NCOA2: variants seen among roughly 807,000 people sequenced by gnomAD.
The protein encoded by NCOA2 is nuclear receptor coactivator 2, also known as class E basic helix-loop-helix protein 75.
NCOA2 carries 21 observed loss-of-function variants against 145.1 expected under a neutral mutation model. The observed-to-expected ratio is 0.14, with a 90% CI of 0.10 to 0.21. The LOEUF is 0.21. NCOA2 is among the 10% of genes least tolerant of loss of function. NCOA2 has a pLI of 1.00. For missense variants in NCOA2, 1,472 were observed against 1,837.6 expected (o/e 0.80, Z 3.64); for synonymous variants, 619 against 637.5 (o/e 0.97, Z 0.44).
the NCOA2 span, among the ~76,000 whole-genome samples, chr8:70,435,153 C>T: frequency 4.0e-5 from 6 of 151,860 alleles, no homozygotes; most frequent in Non-Finnish European, 7.4e-5. Context: ...CGGCCGGGCG[C>T]GGTGGCTCAC....
intron 1 of NCOA2, among the ~76,000 whole-genome samples, chr8:70,330,100 A>C (rs977702974): frequency 6.6e-6 from 1 of 152,182 alleles, no homozygotes; most frequent in African/African-American, 2.4e-5. Flanking sequence ...TACCTCCATT[A>C]AGTTATTTAA....
At chr8:70,380,887 C>A (rs1365968405) in intron 1 of NCOA2, among the ~76,000 whole-genome samples, 1 of 152,000 alleles carries the variant, frequency 6.6e-6, no homozygotes, top group East Asian at 1.9e-4. Context: ...TCAGCTTGGG[C>A]AACATGGCAA....
the NCOA2 span, among the ~76,000 whole-genome samples, chr8:70,455,807 C>T: frequency 6.6e-6 from 1 of 151,948 alleles, no homozygotes; most frequent in African/African-American, 2.4e-5. Flanking sequence ...GCTTTCCTAA[C>T]AATTTCAGAA....
chr8:70,172,311 T>C (rs950876374), intron 5 of NCOA2, among the ~76,000 whole-genome samples: 1 of 152,184 alleles, frequency 6.6e-6, no homozygotes, highest in African/African-American at 2.4e-5. Context: ...CATACAACAA[T>C]GAATTTGGTG....
At chr8:70,191,768 C>CGGT (rs1563595520) in intron 4 of NCOA2, among the ~76,000 whole-genome samples, 1 of 152,100 alleles carries the variant, frequency 6.6e-6, no homozygotes, top group East Asian at 1.9e-4. Flanking sequence ...AGGCCAGGGA[C>CGGT]GGTGGCTCAT....
chr8:70,124,947 C>T, intron 19 of NCOA2, 82 bp from the exon 20 acceptor site: 1 of 1,231,670 alleles, frequency 8.1e-7, no homozygotes, highest in Non-Finnish European at 1.1e-6. Flanking sequence ...AAGAACATTC[C>T]AAATTAGGCA....
intron 1 of NCOA2, among the ~76,000 whole-genome samples, chr8:70,373,214 C>G (rs996744822): frequency 1.3e-5 from 2 of 152,186 alleles, no homozygotes; most frequent in African/African-American, 4.8e-5. Flanking sequence ...CCTCAACCAG[C>G]AAAGAATGAG....
In NCOA2 at chr8:70,157,244, TA is replaced by T; in HGVS notation, c.1125-5del. On this transcript the variant is annotated splice_region_variant and splice_polypyrimidine_tract_variant and intron_variant, in intron 10 of 22. Coordinates refer to ENST00000452400, the MANE Select transcript of NCOA2 (RefSeq NM_006540.4). Reference sequence around the variant, plus strand: ...CATCACACACACATTCTGCTCTCTGTATAACGAGAAAAGAAAAAAATGTAAG... The same window carrying T: ...CATCACACACACATTCTGCTCTCTGTTAACGAGAAAAGAAAAAAATGTAAG... The T allele has an allele frequency of 6.6e-7, 1 of 1,507,418 alleles. No homozygotes were observed. Among genetic ancestry groups the T allele is most frequent in the Non-Finnish European group, 8.9e-7 (1 of 1,128,068 alleles). 93.4% of individuals were successfully genotyped at this position (1,507,418 alleles called of 1,614,324 possible).
At chr8:70,304,047 G>C (rs1313586672) in intron 1 of NCOA2, among the ~76,000 whole-genome samples, 1 of 151,918 alleles carries the variant, frequency 6.6e-6, no homozygotes, top group African/African-American at 2.4e-5. Flanking sequence ...AATTACTGTT[G>C]CAACGACCAT....
At chr8:70,250,300 G>C (rs2134709931) in intron 2 of NCOA2, among the ~76,000 whole-genome samples, 1 of 150,934 alleles carries the variant, frequency 6.6e-6, no homozygotes, top group Admixed American at 6.6e-5. Context: ...GCTGAGGTGG[G>C]AGGATCATCT....
chr8:70,297,691 G>A (rs1827191841), intron 1 of NCOA2, among the ~76,000 whole-genome samples: 1 of 152,166 alleles, frequency 6.6e-6, no homozygotes, highest in African/African-American at 2.4e-5. Context: ...ATTTGCAAGA[G>A]AAAAGGTGAA....
Position 70,216,666 on chromosome 8 carries a change from C to G in NCOA2, c.80G>C (p.Gly27Ala), listed in dbSNP as rs549922949. 2 of 1,611,812 alleles carry G rather than the reference C, an allele frequency of 1.2e-6. No homozygotes were observed. Among genetic ancestry groups the G allele is most frequent in the African/African-American group, 1.3e-5 (1 of 74,988 alleles). The change falls in exon 3 of 23, where the codon GGA becomes GCA. Residue 27 changes from glycine (G) to alanine (A), a missense_variant. By Grantham distance (60) the Gly-to-Ala change is moderately conservative. Around this residue, in one of 4 missense-constraint regions of NCOA2, gnomAD observed 284 missense variants for 467.8 expected, o/e 0.61. Transcript: ENST00000452400. ...RKRKECPDQL[G>A]PSPKRNTEKR... ...TTCTCAGCAAGAATCTAACCTGGGT[C>G]CAAGTTGGTCAGGACATTCCTTGCG...
chr8:70,400,912 C>T (rs1202453775), intron 1 of NCOA2, among the ~76,000 whole-genome samples: 1 of 152,066 alleles, frequency 6.6e-6, no homozygotes, highest in Non-Finnish European at 1.5e-5. Context: ...ACATAAGATA[C>T]CTAAAAGAAA....
At chr8:70,449,593 C>G in the NCOA2 span, among the ~76,000 whole-genome samples, 4 of 152,316 alleles carry the variant, frequency 2.6e-5, no homozygotes, top group East Asian at 7.7e-4. Context: ...TGAACCAACA[C>G]CTTGATCTTA....
chr8:70,183,880 C>T (rs1241224872), intron 4 of NCOA2, among the ~76,000 whole-genome samples: 1 of 152,090 alleles, frequency 6.6e-6, no homozygotes, highest in Admixed American at 6.5e-5. Flanking sequence ...ACATAGTGGG[C>T]GCTCAATGAT....
At chr8:70,283,459 A>T (rs1826026652) in intron 2 of NCOA2, among the ~76,000 whole-genome samples, 1 of 152,192 alleles carries the variant, frequency 6.6e-6, no homozygotes, top group African/African-American at 2.4e-5. Context: ...TTTGCACAAG[A>T]TCTCACAGCT....
chr8:70,181,926 T>C lies in NCOA2; in HGVS notation c.260-7067A>G, dbSNP rs575496922. 3.3e-5 allele frequency among the ~76,000 whole-genome samples: 5 copies of C among 152,322 alleles called. No homozygotes were observed. The South Asian group carries it at 8.3e-4, about 25-fold the overall frequency. ...ATGGGCAGTTTCTGACCAAGCACTA[T>C]AGATGAAATATTACAGGAAAAGTTA... On this transcript the variant is annotated intron_variant, in intron 4 of 22. Transcript: ENST00000452400.
At position 70,335,157 on chromosome 8, in the gene NCOA2, C is replaced by A. The variant is rs775503451; in HGVS notation, c.-76-38357G>T. Among the ~76,000 whole-genome samples the A allele has an allele frequency of 3.2e-3, 390 of 120,750 alleles. 18 individuals are homozygous for A. The East Asian group carries it at 0.073, about 23-fold the overall frequency. 79.2% of individuals were successfully genotyped at this position (120,750 alleles called of 152,430 possible). On this transcript the variant is annotated intron_variant, in intron 1 of 22. Transcript: ENST00000452400. The stretch of plus-strand genomic sequence containing the variant: ...AAAAAAAAAAAAAAAAAAAAAAGAT[C>A]TCTCCCTATGACCATTTTCTCAGTC...
intron 4 of NCOA2, among the ~76,000 whole-genome samples, chr8:70,185,415 G>A (rs1815953653): frequency 1.3e-5 from 2 of 152,320 alleles, no homozygotes; most frequent in South Asian, 4.1e-4. Flanking sequence ...TGTTAACAAT[G>A]GGAGAACTCT....
Sources: allele counts gnomAD v4.1 joint callset (sites outside exome capture counted in the v4.1 genomes callset), GRCh38; gene constraint gnomAD v4.1.1; regional missense constraint gnomAD v4.1.1; transcripts MANE v1.5; gene names NCBI Gene and HGNC (gene_info 2026-07-23, HGNC 2026-07-21).